Variants in CPNE5 observed in about 807,000 individuals in gnomAD.
The protein encoded by CPNE5 is copine-5.
Under a neutral mutation model 81.1 loss-of-function variants are expected in CPNE5, and 42 were observed. That is an observed-to-expected ratio of 0.52 (90% CI 0.40 to 0.67). CPNE5 has a LOEUF of 0.67. Among genes scored for constraint, CPNE5 ranks in the 30% least tolerant of loss-of-function variants. The pLI is 0.00. For synonymous variants in CPNE5, 313 were observed against 321.5 expected (o/e 0.97, Z 0.28); for missense variants, 612 against 815.5 (o/e 0.75, Z 3.04).
At chr6:36,763,756 A>T (rs1468272504) in intron 11 of CPNE5, among the ~76,000 whole-genome samples, 1 of 152,242 alleles carries the variant, frequency 6.6e-6, no homozygotes, top group Non-Finnish European at 1.5e-5. Flanking sequence ...CTACATTAGC[A>T]AAACATAGAT....
intron 6 of CPNE5, among the ~76,000 whole-genome samples, chr6:36,796,362 C>T (rs1370565246): frequency 6.6e-6 from 1 of 152,202 alleles, no homozygotes; most frequent in African/African-American, 2.4e-5. Context: ...CTGTCACCAA[C>T]GGTGGACCAG....
At chr6:36,745,621 C>T (rs1764070754) in intron 16 of CPNE5, 106 bp from the exon 17 acceptor site, 1 of 1,297,394 alleles carries the variant, frequency 7.7e-7, no homozygotes, top group Non-Finnish European at 1.1e-6. Context: ...TGGGCTCCCC[C>T]AGGTCTTCTC....
intron 1 of CPNE5, among the ~76,000 whole-genome samples, chr6:36,838,227 G>T (rs1267619784): frequency 6.6e-6 from 1 of 152,192 alleles, no homozygotes; most frequent in Non-Finnish European, 1.5e-5. Flanking sequence ...CTCATGGAGG[G>T]TCTGACCAAG....
intron 7 of CPNE5, among the ~76,000 whole-genome samples, chr6:36,792,895 G>A (rs929567332): frequency 6.6e-6 from 1 of 152,074 alleles, no homozygotes; most frequent in Non-Finnish European, 1.5e-5. Context: ...TGTAGTCAGG[G>A]GCCACTGGGA....
chr6:36,753,797 A>T (rs905168980), intron 13 of CPNE5, among the ~76,000 whole-genome samples: 1 of 152,250 alleles, frequency 6.6e-6, no homozygotes, highest in Non-Finnish European at 1.5e-5. Flanking sequence ...GCTCATTATC[A>T]TAACAATTTA....
chr6:36,819,681 G>A (rs1771870091), intron 3 of CPNE5, among the ~76,000 whole-genome samples: 1 of 152,162 alleles, frequency 6.6e-6, no homozygotes. Context: ...TGGTCATTTT[G>A]TGCACTGTCC....
chr6:36,777,811 G>A (rs1285386890), intron 9 of CPNE5, among the ~76,000 whole-genome samples: 2 of 137,390 alleles, frequency 1.5e-5, no homozygotes, highest in African/African-American at 5.7e-5. Flanking sequence ...CAATTTCAAG[G>A]GGAATTGGAT....
At chr6:36,799,819 G>A (rs1407445823) in intron 4 of CPNE5, 148 bp downstream of exon 4, 5 of 621,284 alleles carry the variant, frequency 8.0e-6, no homozygotes, top group African/African-American at 3.7e-5. Context: ...GGGTGCAGGC[G>A]ACTTCAGCTA....
intron 8 of CPNE5, among the ~76,000 whole-genome samples, chr6:36,789,268 C>T (rs1056257184): frequency 6.6e-6 from 1 of 152,084 alleles, no homozygotes; most frequent in African/African-American, 2.4e-5. Context: ...CTGCTGCTAT[C>T]CCTGGGTGAA....
At chr6:36,820,280 C>T (rs754113895) in intron 3 of CPNE5, among the ~76,000 whole-genome samples, 4 of 151,276 alleles carry the variant, frequency 2.6e-5, no homozygotes, top group Non-Finnish European at 5.9e-5. Flanking sequence ...AATGTGGCAA[C>T]AGCCACCATG....
At chr6:36,783,286 T>C (rs1025237459) in intron 8 of CPNE5, among the ~76,000 whole-genome samples, 1 of 149,318 alleles carries the variant, frequency 6.7e-6, no homozygotes, top group African/African-American at 2.5e-5. Context: ...GCTTAATACC[T>C]GGGGGTGAAA....
At chr6:36,773,457 C>A (rs1253671349) in intron 10 of CPNE5, among the ~76,000 whole-genome samples, 4 of 152,188 alleles carry the variant, frequency 2.6e-5, no homozygotes, top group Non-Finnish European at 4.4e-5. Flanking sequence ...GTCTGCCTCC[C>A]CTACTGGCAT....
At chr6:36,787,966 C>A (rs1338685405) in intron 8 of CPNE5, among the ~76,000 whole-genome samples, 2 of 151,922 alleles carry the variant, frequency 1.3e-5, no homozygotes, top group Non-Finnish European at 2.9e-5. Flanking sequence ...TAGGGGGAAC[C>A]AAGGGGCTGG....
Position 36,742,147 on chromosome 6 carries a change from G to T in CPNE5, c.*121C>A. On this transcript the variant is annotated 3_prime_UTR_variant, in exon 21 of 21. Transcript: ENST00000244751. The stretch of plus-strand genomic sequence containing the variant: ...TCTTCAGAAGCCCCACCCCCTGGCA[G>T]CCTCCCAGGCACACAGATGTCCCAA... The T allele has an allele frequency of 1.4e-6, 1 of 713,178 alleles. No individual in the cohort carries two copies. The highest frequency in any genetic ancestry group is 2.2e-6 in the Non-Finnish European group (1 of 447,936). The allele number at this position is 713,178 out of a possible 1,614,324, so 44.2% of individuals were successfully genotyped here. A position where few individuals can be genotyped will look rare whatever the true frequency, so the allele number is the denominator to read the frequency against.
At chr6:36,812,610 T>C (rs905691544) in intron 3 of CPNE5, among the ~76,000 whole-genome samples, 64 of 152,332 alleles carry the variant, frequency 4.2e-4, no homozygotes, top group African/African-American at 1.5e-3. Context: ...CACCTCACTG[T>C]GTCAAAGCAG....
chr6:36,780,209 C>G (rs571246880), intron 8 of CPNE5, among the ~76,000 whole-genome samples: 1 of 152,146 alleles, frequency 6.6e-6, no homozygotes. Context: ...ATGATCCGCC[C>G]GCCTCAGCCT....
chr6:36,751,157 A>G (rs1210876511), intron 14 of CPNE5, among the ~76,000 whole-genome samples: 1 of 152,214 alleles, frequency 6.6e-6, no homozygotes, highest in Non-Finnish European at 1.5e-5. Context: ...CAGGCTCTCC[A>G]GAGAGTTTAA....
chr6:36,782,555 A>G (rs1768120234), intron 8 of CPNE5, among the ~76,000 whole-genome samples: 1 of 152,100 alleles, frequency 6.6e-6, no homozygotes, highest in Admixed American at 6.5e-5. Context: ...CTGTAATCCC[A>G]GCACTCTGGG....
intron 1 of CPNE5, among the ~76,000 whole-genome samples, chr6:36,831,421 T>A (rs1190693899): frequency 6.6e-6 from 1 of 151,774 alleles, no homozygotes; most frequent in African/African-American, 2.4e-5. Context: ...TGGTACAATA[T>A]CAGCTCACTG....
Sources: allele counts gnomAD v4.1 joint callset (sites outside exome capture counted in the v4.1 genomes callset), GRCh38; gene constraint gnomAD v4.1.1; transcripts MANE v1.5; gene names NCBI Gene and HGNC (gene_info 2026-07-23, HGNC 2026-07-21).